The following GRB10 variants were observed in gnomAD, a reference collection of about 807,000 sequenced individuals.
GRB10 encodes the protein growth factor receptor-bound protein 10.
In GRB10, 20 loss-of-function variants were observed where a neutral mutation model predicts 80.9. The observed-to-expected ratio is 0.25, with a 90% confidence interval of 0.17 to 0.36. GRB10 has a LOEUF of 0.36. Among genes scored for constraint, GRB10 ranks in the 10% least tolerant of loss-of-function variants. The pLI, the probability that GRB10 is intolerant of heterozygous loss-of-function variation, is 1.00. For synonymous variants in GRB10, 291 were observed against 291.5 expected, an observed-to-expected ratio of 1.00 and a Z score of 0.02; for missense variants, 548 against 747.7, an observed-to-expected ratio of 0.73 and a Z score of 3.12.
At chr7:50,750,369 G>A (rs2073895720) in intron 3 of GRB10, among the ~76,000 whole-genome samples, 1 of 152,162 alleles carries the variant, frequency 6.6e-6, no homozygotes, top group African/African-American at 2.4e-5. Flanking sequence ...TTTGAATGCT[G>A]GACAAAGACC....
chr7:50,744,246 T>C (rs937218535), intron 3 of GRB10, among the ~76,000 whole-genome samples: 2 of 152,060 alleles, frequency 1.3e-5, no homozygotes, highest in African/African-American at 4.8e-5. Context: ...CGTAGAACCA[T>C]CACAGGCCGG....
intron 3 of GRB10, among the ~76,000 whole-genome samples, chr7:50,744,283 C>T (rs2072444396): frequency 6.6e-6 from 1 of 152,136 alleles, no homozygotes; most frequent in Admixed American, 6.5e-5. Flanking sequence ...AAAAGGACGG[C>T]AGGGAGGGAG....
At chr7:50,602,113 CA>C (rs1312472290) in intron 17 of GRB10, among the ~76,000 whole-genome samples, 1 of 149,988 alleles carries the variant, frequency 6.7e-6, no homozygotes, top group African/African-American at 2.4e-5. Context: ...TGGGAGAACA[CA>C]AACTCGTTCT....
At chr7:50,629,310 CCT>C (rs1177724711) in intron 7 of GRB10, among the ~76,000 whole-genome samples, 3 of 152,162 alleles carry the variant, frequency 2.0e-5, no homozygotes, top group Admixed American at 6.5e-5. Flanking sequence ...CTCCCCAACC[CCT>C]GTTGTTCCAC....
chr7:50,728,827 C>T (rs1338117264), intron 4 of GRB10, among the ~76,000 whole-genome samples: 3 of 152,148 alleles, frequency 2.0e-5, no homozygotes, highest in Non-Finnish European at 2.9e-5. Flanking sequence ...TGCGCCACCA[C>T]GCCTGACTAA....
chr7:50,771,661 C>G (rs1484895791), intron 2 of GRB10, among the ~76,000 whole-genome samples: 3 of 152,196 alleles, frequency 2.0e-5, no homozygotes, highest in African/African-American at 4.8e-5. Context: ...ACTGATACTG[C>G]TCTTGGCTAT....
chr7:50,771,873 A>G (rs1355553569), intron 2 of GRB10, among the ~76,000 whole-genome samples: 4 of 152,354 alleles, frequency 2.6e-5, no homozygotes, highest in Admixed American at 1.3e-4. Context: ...TTACTCTTCT[A>G]AACGGGGCAT....
intron 7 of GRB10, among the ~76,000 whole-genome samples, chr7:50,660,534 C>T (rs1029638452): frequency 1.3e-5 from 2 of 152,096 alleles, no homozygotes; most frequent in African/African-American, 4.8e-5. Flanking sequence ...GATGCTGCCA[C>T]ACATCAGCGC....
rs570427018 is a variant in GRB10 at position 50,709,554 on chromosome 7, ACT to A, written c.52-5648_52-5647del. 2.3e-3 allele frequency among the ~76,000 whole-genome samples: 158 copies of A among 69,358 alleles called. 1 individual carries two copies. Among genetic ancestry groups the A allele is most frequent in the African/African-American group, 6.3e-3 (150 of 23,866 alleles). The allele number at this position is 69,358 out of a possible 152,430, so 45.5% of individuals were successfully genotyped here. A position where few individuals can be genotyped will look rare whatever the true frequency, so the allele number is the denominator to read the frequency against. On this transcript the variant is annotated intron_variant, in intron 4 of 18. Coordinates refer to ENST00000401949, the MANE Select transcript of GRB10 (RefSeq NM_001350814.2). ...TGCTTTCTCCAGACCCCTCCATTAA[ACT>A]CTTTTTTTTTGCTCCCCACCCCCAC...
At chr7:50,638,206 T>G (rs754494370) in intron 7 of GRB10, among the ~76,000 whole-genome samples, 1 of 152,208 alleles carries the variant, frequency 6.6e-6, no homozygotes, top group Non-Finnish European at 1.5e-5. Context: ...CTTTTGGAGT[T>G]TGGCCTAGGC....
chr7:50,706,975 T>A (rs1227795589), intron 4 of GRB10, among the ~76,000 whole-genome samples: 1 of 152,266 alleles, frequency 6.6e-6, no homozygotes, highest in African/African-American at 2.4e-5. Context: ...TTTTACGCAG[T>A]AGGCAAGTAA....
intron 5 of GRB10, among the ~76,000 whole-genome samples, chr7:50,688,597 G>A (rs1223940155): frequency 2.0e-5 from 3 of 152,170 alleles, no homozygotes; most frequent in African/African-American, 7.2e-5. Context: ...CCCAGGTGAT[G>A]TGTGTACAGG....
At chr7:50,689,344 A>G (rs2062500555) in intron 5 of GRB10, among the ~76,000 whole-genome samples, 1 of 152,230 alleles carries the variant, frequency 6.6e-6, no homozygotes, top group Admixed American at 6.5e-5. Context: ...ATATATCCAC[A>G]AAGATGGGAA....
intron 4 of GRB10, among the ~76,000 whole-genome samples, chr7:50,724,535 A>G (rs1335289722): frequency 6.6e-6 from 1 of 152,210 alleles, no homozygotes; most frequent in Non-Finnish European, 1.5e-5. Context: ...TTGTGCTACA[A>G]TGAGGGATGG....
intron 1 of GRB10, among the ~76,000 whole-genome samples, chr7:50,788,343 T>A (rs2078778989): frequency 6.6e-6 from 1 of 151,836 alleles, no homozygotes; most frequent in African/African-American, 2.4e-5. Context: ...GCCTTGGAGG[T>A]TCCTGACCCT....
intron 4 of GRB10, chr7:50,705,315 C>G (rs2064885439): frequency 1.0e-6 from 1 of 985,046 alleles, no homozygotes. Context: ...ACACCTTCCT[C>G]CAGAATATCT....
At position 50,659,625 on chromosome 7, in the gene GRB10, T is replaced by C. The variant is rs1414712665; in HGVS notation, c.504+10097A>G. ...CAATAGTGTGTGTGCCCACGTCTCT[T>C]CTCCGGGTAGCCCAAGTCTTGGAAG... On this transcript the variant is annotated intron_variant, in intron 7 of 18. Coordinates refer to ENST00000401949, the MANE Select transcript of GRB10 (RefSeq NM_001350814.2). 2.0e-5 allele frequency among the ~76,000 whole-genome samples: 3 copies of C among 152,104 alleles called. No homozygotes were observed. The East Asian group carries it at 5.8e-4, about 29-fold the overall frequency.
intron 7 of GRB10, among the ~76,000 whole-genome samples, chr7:50,652,364 T>C (rs1025548512): frequency 1.3e-5 from 2 of 152,206 alleles, no homozygotes; most frequent in Non-Finnish European, 2.9e-5. Context: ...CTCTTTAGTC[T>C]CTATGGCATA....
chr7:50,723,614 G>A (rs1217790934), intron 4 of GRB10, among the ~76,000 whole-genome samples: 1 of 152,206 alleles, frequency 6.6e-6, no homozygotes, highest in Non-Finnish European at 1.5e-5. Flanking sequence ...CCTGTTCAGG[G>A]TTCCAGCGAA....
Sources: gnomAD v4.1 joint callset for allele counts (sites outside exome capture counted in the v4.1 genomes callset) on GRCh38, gnomAD v4.1.1 for gene constraint, MANE v1.5 for transcripts, NCBI Gene and HGNC (gene_info 2026-07-23, HGNC 2026-07-21) for gene names.